The following PALLD variants were observed in gnomAD, a reference collection of about 807,000 sequenced individuals.
PALLD encodes the protein palladin, cytoskeletal associated protein.
Under a neutral mutation model 123.5 loss-of-function variants are expected in PALLD, and 61 were observed. The observed-to-expected ratio is 0.49, with a 90% CI of 0.40 to 0.61. The LOEUF (loss-of-function observed/expected upper bound fraction) is 0.61. PALLD is among the 20% of genes least tolerant of loss of function. PALLD has a pLI of 0.00. For synonymous variants in PALLD, 465 were observed against 496.4 expected, an observed-to-expected ratio of 0.94 and a Z score of 0.84; for missense variants, 1,273 against 1,377.0, an observed-to-expected ratio of 0.92 and a Z score of 1.20.
At chr4:168,809,228 T>C (rs6831829) in intron 10 of PALLD, among the ~76,000 whole-genome samples, 80,737 of 151,952 alleles carry the variant, frequency 0.53, 22,350 homozygotes, top group Non-Finnish European at 0.62. Context: ...ATTCTCTAGC[T>C]TCTGAGAAAT....
intron 2 of PALLD, among the ~76,000 whole-genome samples, chr4:168,605,631 T>C (rs1402438201): frequency 1.3e-5 from 2 of 152,214 alleles, no homozygotes; most frequent in African/African-American, 4.8e-5. Flanking sequence ...GGACTGAACG[T>C]GGGCTCTGCA....
intron 2 of PALLD, among the ~76,000 whole-genome samples, chr4:168,583,125 A>G (rs7655006): frequency 0.039 from 5,948 of 152,268 alleles, 381 homozygotes; most frequent in African/African-American, 0.13. Flanking sequence ...TTTAGGAACA[A>G]GAGAAAAGAC....
rs562438724 is a variant in PALLD, at chr4:168,642,398, A to T, written c.909-25792A>T. On this transcript the variant is annotated intron_variant, in intron 2 of 21. Coordinates refer to ENST00000505667, the MANE Select transcript of PALLD (RefSeq NM_001166108.2). ...TCTTCTTTTTTATTTTTATTTATGT[A>T]TTTATTTTATTTTATATTTTTGAGA... 2.6e-5 allele frequency among the ~76,000 whole-genome samples: 4 copies of T among 151,682 alleles called. No individual in the cohort carries two copies. In the East Asian group the frequency reaches 7.7e-4, roughly 29 times the overall value.
intron 2 of PALLD, among the ~76,000 whole-genome samples, chr4:168,642,509 C>G (rs1331860729): frequency 1.3e-5 from 2 of 152,172 alleles, no homozygotes; most frequent in African/African-American, 2.4e-5. Flanking sequence ...TCAAGCGATC[C>G]TCCTGCCTCA....
intron 10 of PALLD, among the ~76,000 whole-genome samples, chr4:168,880,371 G>C (rs1021572711): frequency 2.0e-5 from 3 of 152,186 alleles, no homozygotes; most frequent in African/African-American, 7.2e-5. Flanking sequence ...AGATAGTGAA[G>C]TGCTGTGACA....
intron 5 of PALLD, among the ~76,000 whole-genome samples, chr4:168,683,417 T>C (rs1458096208): frequency 6.6e-6 from 1 of 152,220 alleles, no homozygotes; most frequent in African/African-American, 2.4e-5. Context: ...CTCACATGTG[T>C]ATGCTCTTTC....
intron 2 of PALLD, among the ~76,000 whole-genome samples, chr4:168,564,059 AATCTC>A (rs1768119366): frequency 6.6e-6 from 1 of 152,144 alleles, no homozygotes. Flanking sequence ...CATGGAAGAA[AATCTC>A]TCTGGGCTTC....
intron 10 of PALLD, among the ~76,000 whole-genome samples, chr4:168,837,855 C>A (rs76456454): frequency 0.023 from 3,452 of 152,230 alleles, 135 homozygotes; most frequent in African/African-American, 0.076. Context: ...GAAATCCTTG[C>A]CCTCGTGGAG....
intron 10 of PALLD, among the ~76,000 whole-genome samples, chr4:168,890,340 C>T (rs1753976810): frequency 6.6e-6 from 1 of 152,114 alleles, no homozygotes; most frequent in Non-Finnish European, 1.5e-5. Flanking sequence ...ATAAAATAGA[C>T]CTCAAATAAC....
chr4:168,894,303 C>A, intron 11 of PALLD: 1 of 455,972 alleles, frequency 2.2e-6, no homozygotes, highest in Non-Finnish European at 4.0e-6. Flanking sequence ...CATGACAAAT[C>A]TTTTCTGTGT....
intron 10 of PALLD, among the ~76,000 whole-genome samples, chr4:168,812,972 A>G (rs1283755258): frequency 6.6e-6 from 1 of 152,098 alleles, no homozygotes; most frequent in Admixed American, 6.6e-5. Context: ...AGGCTGTTTG[A>G]AAGAATGCTG....
At position 168,731,427 on chromosome 4, in the gene PALLD, G is replaced by T. The variant is rs534198271; in HGVS notation, c.1964+19504G>T. The stretch of plus-strand genomic sequence containing the variant: ...GATGACCTTAGATAAGCTACTCAGT[G>T]CCCCATTTCAGTTCCCTCTTCATTA... On this transcript the variant is annotated intron_variant, in intron 10 of 21. Transcript: ENST00000505667. Among the ~76,000 whole-genome samples, 26 of 152,258 alleles carry T rather than the reference G, an allele frequency of 1.7e-4. No homozygotes were observed. In the South Asian group the frequency reaches 5.4e-3, roughly 32 times the overall value.
intron 2 of PALLD, among the ~76,000 whole-genome samples, chr4:168,580,729 C>A (rs780306572): frequency 1.3e-5 from 2 of 151,932 alleles, no homozygotes; most frequent in African/African-American, 2.4e-5. Context: ...AACCTAAATG[C>A]CCATCAGTGG....
In PALLD at chr4:168,859,899, A is replaced by G. The variant is rs564779587; in HGVS notation, c.1965-31023A>G. ...TTTAACCCAATATATTCAAAATATT[A>G]TTTTAACATGTAAATAATATAAAAA... On this transcript the variant is annotated intron_variant, in intron 10 of 21. Coordinates refer to ENST00000505667, the MANE Select transcript of PALLD (RefSeq NM_001166108.2). Among the ~76,000 whole-genome samples, 5 of 152,366 alleles carry G rather than the reference A, an allele frequency of 3.3e-5. No individual in the cohort carries two copies. The South Asian group carries it at 1.0e-3, about 32-fold the overall frequency.
intron 2 of PALLD, among the ~76,000 whole-genome samples, chr4:168,543,689 C>A (rs1765863826): frequency 6.6e-6 from 1 of 152,164 alleles, no homozygotes; most frequent in African/African-American, 2.4e-5. Flanking sequence ...GGTACCTTCC[C>A]ACAACCAGCC....
intron 10 of PALLD, among the ~76,000 whole-genome samples, chr4:168,741,297 G>A (rs1788303774): frequency 6.6e-6 from 1 of 152,144 alleles, no homozygotes; most frequent in African/African-American, 2.4e-5. Context: ...TCCTGAGCTA[G>A]TGAGGAAATC....
At chr4:168,863,135 T>G (rs1400965978) in intron 10 of PALLD, among the ~76,000 whole-genome samples, 3 of 152,162 alleles carry the variant, frequency 2.0e-5, no homozygotes, top group African/African-American at 7.2e-5. Context: ...GTATGAATAA[T>G]GTACATTTGA....
chr4:168,618,375 G>A (rs990412956), intron 2 of PALLD, among the ~76,000 whole-genome samples: 3 of 152,200 alleles, frequency 2.0e-5, no homozygotes, highest in Non-Finnish European at 4.4e-5. Flanking sequence ...ACTCTCTCAT[G>A]TAAATCTTCT....
chr4:168,616,639 C>A (rs1284543442), intron 2 of PALLD, among the ~76,000 whole-genome samples: 1 of 152,120 alleles, frequency 6.6e-6, no homozygotes, highest in Non-Finnish European at 1.5e-5. Context: ...AATCCCTAAG[C>A]ATTTGCTTCA....
Sources: gnomAD v4.1 joint callset for allele counts (sites outside exome capture counted in the v4.1 genomes callset) on GRCh38, gnomAD v4.1.1 for gene constraint, MANE v1.5 for transcripts, NCBI Gene and HGNC (gene_info 2026-07-23, HGNC 2026-07-21) for gene names.